MLXIP: variants seen among roughly 807,000 people sequenced by gnomAD.
MLXIP encodes MLX interacting protein.
MLXIP carries 30 observed loss-of-function variants against 87.2 expected under a neutral mutation model. That is an observed-to-expected ratio of 0.34 (90% CI 0.26 to 0.47). The LOEUF is 0.47. MLXIP is among the 20% of genes least tolerant of loss of function. The pLI is 1.00. For synonymous variants in MLXIP, 530 were observed against 514.0 expected (o/e 1.03, Z -0.42); for missense variants, 1,002 against 1,240.1 (o/e 0.81, Z 2.88).
intron 1 of MLXIP, among the ~76,000 whole-genome samples, chr12:122,088,409 A>G (rs1009905007): frequency 6.6e-6 from 1 of 152,202 alleles, no homozygotes; most frequent in African/African-American, 2.4e-5. Flanking sequence ...AGGAGGCAGT[A>G]GAGAAGGGGT....
chr12:122,142,326 C>A lies in MLXIP; in HGVS notation c.*514C>A. 1.6e-6 allele frequency: 1 copy of A among 635,324 alleles called. No homozygotes were observed. 39.4% of individuals were successfully genotyped at this position (635,324 alleles called of 1,614,324 possible). A position where few individuals can be genotyped will look rare whatever the true frequency, so the allele number is the denominator to read the frequency against. On this transcript the variant is annotated 3_prime_UTR_variant, in exon 17 of 17. Transcript: ENST00000319080. Reference sequence around the variant, plus strand: ...CTTTCTCCCCTCAACTCTGACAGCACCCAGCCCTTGTGGATGGACTTGGGC... The same window carrying A: ...CTTTCTCCCCTCAACTCTGACAGCAACCAGCCCTTGTGGATGGACTTGGGC...
At chr12:122,108,189 G>A (rs1015149323) in intron 1 of MLXIP, among the ~76,000 whole-genome samples, 11 of 151,976 alleles carry the variant, frequency 7.2e-5, no homozygotes, top group Non-Finnish European at 1.5e-4. Flanking sequence ...CCAACACGGT[G>A]AAACCTCGTC....
chr12:122,118,392 T>A (rs28478717), intron 1 of MLXIP, among the ~76,000 whole-genome samples: 76,803 of 152,070 alleles, frequency 0.51, 19,905 homozygotes, highest in Middle Eastern at 0.64. Context: ...CAAAACGGTG[T>A]TCAGTGAACA....
At chr12:122,109,822 A>G (rs1467153837) in intron 1 of MLXIP, among the ~76,000 whole-genome samples, 1 of 152,234 alleles carries the variant, frequency 6.6e-6, no homozygotes, top group Non-Finnish European at 1.5e-5. Context: ...TTTAGCAGGC[A>G]AAGGGAAAAT....
rs142877590 is a variant in MLXIP, at chr12:122,104,485, T to A, written c.414-22771T>A. ...TAGTTAATATTCTGTCGTATAGATA[T>A]AGCAGTGCGTTTTCTCCATTCATGT... On this transcript the variant is annotated intron_variant, in intron 1 of 16. Transcript: ENST00000319080. Among the ~76,000 whole-genome samples the A allele has an allele frequency of 9.8e-5, 15 of 152,312 alleles. No homozygotes were observed. In the East Asian group the frequency reaches 2.9e-3, roughly 29 times the overall value.
At chr12:122,116,938 G>A (rs1196017109) in intron 1 of MLXIP, among the ~76,000 whole-genome samples, 1 of 152,218 alleles carries the variant, frequency 6.6e-6, no homozygotes, top group Admixed American at 6.5e-5. Context: ...TGGAAGGCCT[G>A]GACACAGCCC....
rs565295233 is a variant in MLXIP, at chr12:122,081,555, G to C, written c.413+2289G>C. ...ATCGGAGGCAACGCGGGGCGTGGTG[G>C]CTCATGCCTGTAGTCCCAGCACTTT... On this transcript the variant is annotated intron_variant, in intron 1 of 16. Transcript: ENST00000319080. Among the ~76,000 whole-genome samples, 184 of 152,296 alleles carry C rather than the reference G, an allele frequency of 1.2e-3. 2 individuals are homozygous for C. Among genetic ancestry groups the C allele is most frequent in the Non-Finnish European group, 1.7e-3 (115 of 68,028 alleles).
chr12:122,130,019 G>T lies in MLXIP; in HGVS notation c.817G>T (p.Asp273Tyr), dbSNP rs370246479. 6.2e-7 allele frequency: 1 copy of T among 1,614,006 alleles called. No individual in the cohort carries two copies. Among genetic ancestry groups the T allele is most frequent in the Admixed American group, 1.7e-5 (1 of 60,020 alleles). ...CCCCATGGAGGAGGATCCCCTGCTG[G>T]ACACAGACATGCTCATGTCGGAATT... ...PVPMEEDPLLDTDMLMSEFSD... is the reference protein window; with the variant it reads ...PVPMEEDPLLYTDMLMSEFSD... The change falls in exon 6 of 17, where the codon GAC (aspartate) becomes TAC (tyrosine). Residue 273 changes from aspartate (D) to tyrosine (Y), a missense_variant. Around this residue, in one of 3 missense-constraint regions of MLXIP, gnomAD observed 746 missense variants for 897.0 expected, o/e 0.83. Coordinates refer to ENST00000319080, the MANE Select transcript of MLXIP (RefSeq NM_014938.6).
Position 122,137,116 on chromosome 12 carries a change from A to G in MLXIP, c.2033-353A>G, listed in dbSNP as rs59083699. On this transcript the variant is annotated intron_variant, in intron 11 of 16. Transcript: ENST00000319080. The surrounding 1 kb of genome is among the most constrained non-coding windows in gnomAD (Gnocchi z 4.1). ...GGAGATTGAGACCAGCCTAGACAAT[A>G]TAGTGAGACCTTGGCTCTATAAAAA... 5.9e-3 allele frequency: 912 copies of G among 153,746 alleles called. 10 individuals are homozygous for G. The highest frequency in any genetic ancestry group is 0.021 in the African/African-American group (853 of 41,588). The allele number at this position is 153,746 out of a possible 1,614,324, so 9.5% of individuals were successfully genotyped here. A position where few individuals can be genotyped will look rare whatever the true frequency, so the allele number is the denominator to read the frequency against.
intron 3 of MLXIP, chr12:122,128,690 A>G (rs1565981446): frequency 6.1e-6 from 1 of 162,796 alleles, no homozygotes; most frequent in Non-Finnish European, 1.3e-5. Flanking sequence ...CACTGGCATC[A>G]CGCGAAGGTT....
In MLXIP at chr12:122,146,470, G is replaced by A. The variant is rs1953302427; in HGVS notation, c.*4658G>A. On this transcript the variant is annotated 3_prime_UTR_variant, in exon 17 of 17. Coordinates refer to ENST00000319080, the MANE Select transcript of MLXIP (RefSeq NM_014938.6). ...TGTACCAGGGCTGGCCTCCAGAGCG[G>A]GTGAGGACAGAGCAGCTGTGGGCTT... is the stretch of plus-strand genomic sequence containing the variant. 6.6e-6 allele frequency: 1 copy of A among 152,368 alleles called. No individual in the cohort carries two copies. Among genetic ancestry groups the A allele is most frequent in the Admixed American group, 6.5e-5 (1 of 15,278 alleles). 9.4% of individuals were successfully genotyped at this position (152,368 alleles called of 1,614,324 possible).
At chr12:122,134,085 C>T (rs1593113330) in intron 9 of MLXIP, 98 bp downstream of exon 9, 1 of 1,385,450 alleles carries the variant, frequency 7.2e-7, no homozygotes. Flanking sequence ...CCACCACCAC[C>T]CTGGTGTGCA....
At chr12:122,113,153 T>G (rs1952630309) in intron 1 of MLXIP, among the ~76,000 whole-genome samples, 1 of 152,202 alleles carries the variant, frequency 6.6e-6, no homozygotes, top group Non-Finnish European at 1.5e-5. Flanking sequence ...ATATAAAACT[T>G]TATTGGCATA....
At chr12:122,088,456 A>G (rs1259621365) in intron 1 of MLXIP, among the ~76,000 whole-genome samples, 1 of 152,152 alleles carries the variant, frequency 6.6e-6, no homozygotes, top group Admixed American at 6.5e-5. Context: ...CAGCATCTGG[A>G]GAAAGAATTC....
In MLXIP at chr12:122,129,127, C is replaced by A; in HGVS notation, c.607-10C>A. The A allele has an allele frequency of 6.2e-7, 1 of 1,601,958 alleles. No homozygotes were observed. Among genetic ancestry groups the A allele is most frequent in the East Asian group, 2.3e-5 (1 of 44,414 alleles). On this transcript the variant is annotated splice_polypyrimidine_tract_variant and intron_variant, in intron 3 of 16. Coordinates refer to ENST00000319080, the MANE Select transcript of MLXIP (RefSeq NM_014938.6). The stretch of plus-strand genomic sequence containing the variant: ...CCCCCTCTTCACTCTGCTCTCTGTC[C>A]CTGTCCTAGGCCATCACCACGGAAG...
At chr12:122,110,634 G>A (rs905833321) in intron 1 of MLXIP, among the ~76,000 whole-genome samples, 5 of 152,042 alleles carry the variant, frequency 3.3e-5, no homozygotes, top group African/African-American at 9.7e-5. Flanking sequence ...AGCTGGGCAT[G>A]GTGGTGCATG....
At chr12:122,080,363 C>G (rs1352060899) in intron 1 of MLXIP, among the ~76,000 whole-genome samples, 1 of 152,084 alleles carries the variant, frequency 6.6e-6, no homozygotes, top group Non-Finnish European at 1.5e-5. Context: ...CCATAAACAG[C>G]GTAATAAAAG....
chr12:122,121,010 G>GTTTTTTTTTTTGTTTTTTTTTTTTT (rs1952772221), intron 1 of MLXIP, among the ~76,000 whole-genome samples: 1 of 111,910 alleles, frequency 8.9e-6, no homozygotes, highest in Admixed American at 1.0e-4. Flanking sequence ...TGCATGCTTG[G>GTTTTTTTTTTTGTTTTTTTTTTTTT]TTTTTTTTTT....
At chr12:122,101,858 C>T (rs36169709) in intron 1 of MLXIP, among the ~76,000 whole-genome samples, 104,659 of 151,980 alleles carry the variant, frequency 0.69, 36,218 homozygotes, top group Middle Eastern at 0.75. Flanking sequence ...GGATTACAGG[C>T]GTGAGCCACC....
Sources: allele counts gnomAD v4.1 joint callset (sites outside exome capture counted in the v4.1 genomes callset), GRCh38; gene constraint gnomAD v4.1.1; regional missense constraint gnomAD v4.1.1; non-coding constraint Gnocchi (gnomAD v3.1); transcripts MANE v1.5; gene names NCBI Gene and HGNC (gene_info 2026-07-23, HGNC 2026-07-21).